Variants in LPAR3 observed in about 807,000 individuals in gnomAD.
LPAR3 encodes the protein LPA receptor 3.
A neutral mutation model predicts 17.8 loss-of-function variants in LPAR3; 7 were observed. The ratio of observed to expected loss-of-function variants is 0.39; its 90% confidence interval spans 0.22 to 0.74. LPAR3 has a LOEUF of 0.74. LPAR3 is among the 30% of genes least tolerant of loss of function. The pLI, the probability that LPAR3 is intolerant of heterozygous loss-of-function variation, is 0.40. For missense variants in LPAR3, 391 were observed against 453.4 expected, an observed-to-expected ratio of 0.86 and a Z score of 1.25; for synonymous variants, 179 against 179.9, an observed-to-expected ratio of 0.99 and a Z score of 0.04.
intron 1 of LPAR3, 121 bp from the exon 2 acceptor site, chr1:84,866,259 T>G: frequency 7.1e-6 from 5 of 705,352 alleles, no homozygotes; most frequent in Non-Finnish European, 1.2e-5. Context: ...ACCTGAAGTG[T>G]CAGGTCTCAG....
chr1:84,824,824 A>G (rs1659122807), intron 2 of LPAR3, among the ~76,000 whole-genome samples: 2 of 151,818 alleles, frequency 1.3e-5, no homozygotes, highest in Non-Finnish European at 2.9e-5. Context: ...AATTTCTCAC[A>G]CTCTGCCCTG....
At chr1:84,888,866 C>G (rs2102776070) in intron 1 of LPAR3, among the ~76,000 whole-genome samples, 1 of 152,252 alleles carries the variant, frequency 6.6e-6, no homozygotes, top group South Asian at 2.1e-4. Flanking sequence ...AATGTAGACA[C>G]AGGACTAGCT....
chr1:84,853,224 G>A (rs17378045), intron 2 of LPAR3, among the ~76,000 whole-genome samples: 19,008 of 152,182 alleles, frequency 0.12, 1,397 homozygotes, highest in Middle Eastern at 0.24. Flanking sequence ...AAGCTCATAG[G>A]AAAGCAAGAA....
chr1:84,879,591 G>A (rs550938587), intron 1 of LPAR3, among the ~76,000 whole-genome samples: 2 of 152,230 alleles, frequency 1.3e-5, no homozygotes, highest in Admixed American at 1.3e-4. Flanking sequence ...GATTATAAGC[G>A]TGAGCCACCA....
At chr1:84,885,220 G>A (rs35711882) in intron 1 of LPAR3, among the ~76,000 whole-genome samples, 15,700 of 152,158 alleles carry the variant, frequency 0.1, 1,063 homozygotes, top group East Asian at 0.25. Context: ...AGAAGTATCC[G>A]GTCCAAAATG....
chr1:84,883,670 G>C (rs1466028829), intron 1 of LPAR3, among the ~76,000 whole-genome samples: 1 of 151,840 alleles, frequency 6.6e-6, no homozygotes, highest in Non-Finnish European at 1.5e-5. Flanking sequence ...TAGAAATTGG[G>C]GACTGATTCA....
At chr1:84,857,317 G>A (rs992728769) in intron 2 of LPAR3, among the ~76,000 whole-genome samples, 2 of 152,096 alleles carry the variant, frequency 1.3e-5, no homozygotes, top group African/African-American at 4.8e-5. Flanking sequence ...TGCTTTATGT[G>A]TATTAACTCA....
In LPAR3 at chr1:84,866,135, C is replaced by T. The variant is rs756402423; in HGVS notation, c.-15G>A. The T allele has an allele frequency of 2.3e-6, 3 of 1,332,132 alleles. No homozygotes were observed. The highest frequency in any genetic ancestry group is 2.3e-5 in the Admixed American group (1 of 43,298). The allele number at this position is 1,332,132 out of a possible 1,614,324, so 82.5% of individuals were successfully genotyped here. On this transcript the variant is annotated 5_prime_UTR_variant, in exon 2 of 3. The change abolishes an upstream ATG in the 5' untranslated region. Transcript: ENST00000370611. Reference sequence around the variant, plus strand: ...CACTCATTCATTGTGGAGAAGTGAACATCCTAGAAAGAAATTTAAAGAAGA... The same window carrying T: ...CACTCATTCATTGTGGAGAAGTGAATATCCTAGAAAGAAATTTAAAGAAGA...
Position 84,880,864 on chromosome 1 carries a change from C to A in LPAR3, c.-19+12152G>T, listed in dbSNP as rs146238457. ...GGAAGGACTTCCCAGGGGACAAAGA[C>A]AAAGTCAAGGCTTCTGGGAGGCCCC... On this transcript the variant is annotated intron_variant, in intron 1 of 2. Transcript: ENST00000370611. Among the ~76,000 whole-genome samples, 98 of 152,310 alleles carry A rather than the reference C, an allele frequency of 6.4e-4. 1 individual carries two copies. In the East Asian group the frequency reaches 0.011, roughly 17 times the overall value.
At chr1:84,846,600 G>A (rs954371892) in intron 2 of LPAR3, among the ~76,000 whole-genome samples, 5 of 152,160 alleles carry the variant, frequency 3.3e-5, no homozygotes, top group African/African-American at 9.7e-5. Context: ...AATATTGGAA[G>A]CACAGTTTGC....
chr1:84,849,372 C>CAA (rs34239236), intron 2 of LPAR3, among the ~76,000 whole-genome samples: 3,198 of 76,726 alleles, frequency 0.042, 139 homozygotes, highest in Non-Finnish European at 0.054. Flanking sequence ...AGACTCATCT[C>CAA]AAAAAAAAAA....
chr1:84,886,698 T>C (rs1235295697), intron 1 of LPAR3, among the ~76,000 whole-genome samples: 1 of 152,152 alleles, frequency 6.6e-6, no homozygotes, highest in Non-Finnish European at 1.5e-5. Flanking sequence ...CATGAAAATA[T>C]CATGTTGTAT....
intron 2 of LPAR3, among the ~76,000 whole-genome samples, chr1:84,850,301 T>C (rs10873660): frequency 0.52 from 76,625 of 147,604 alleles, 19,544 homozygotes; most frequent in East Asian, 0.58. Flanking sequence ...CTCACGCCTG[T>C]ACCCCAGCAC....
chr1:84,852,552 A>C (rs558919267), intron 2 of LPAR3, among the ~76,000 whole-genome samples: 12 of 152,238 alleles, frequency 7.9e-5, no homozygotes, highest in South Asian at 2.1e-4. Flanking sequence ...CCTCCAGGAC[A>C]TCCAGGTGTG....
Position 84,846,744 on chromosome 1 carries a change from T to C in LPAR3, c.736+18641A>G, listed in dbSNP as rs189657028. ...GTTATTTGTGTCAGAGCAAATAAGA[T>C]CTCATTCAAATTCAAACTGGATAAT... On this transcript the variant is annotated intron_variant, in intron 2 of 2. Transcript: ENST00000370611. Among the ~76,000 whole-genome samples, 530 of 152,270 alleles carry C rather than the reference T, an allele frequency of 3.5e-3. 3 individuals are homozygous for C. Among genetic ancestry groups the C allele is most frequent in the South Asian group, 0.017 (81 of 4,826 alleles).
chr1:84,817,400 G>C (rs1249925842), intron 2 of LPAR3, among the ~76,000 whole-genome samples: 1 of 151,998 alleles, frequency 6.6e-6, no homozygotes, highest in Non-Finnish European at 1.5e-5. Context: ...GAGGTGCGTG[G>C]GGAGGACTTA....
intron 1 of LPAR3, among the ~76,000 whole-genome samples, chr1:84,874,747 G>C (rs1207401367): frequency 6.6e-6 from 1 of 152,094 alleles, no homozygotes; most frequent in East Asian, 1.9e-4. Flanking sequence ...TAAAAGGACA[G>C]AAAAAGTAAA....
intron 1 of LPAR3, among the ~76,000 whole-genome samples, chr1:84,890,318 G>T (rs1000434286): frequency 1.3e-5 from 2 of 152,164 alleles, no homozygotes; most frequent in African/African-American, 4.8e-5. Context: ...AGAAATCTTT[G>T]CACTTTTACC....
At position 84,832,112 on chromosome 1, in the gene LPAR3, G is replaced by T. The variant is rs1557592763; in HGVS notation, c.737-17941C>A. On this transcript the variant is annotated intron_variant, in intron 2 of 2. Transcript: ENST00000370611. ...TCTATCATTTTCTTCTGGAAAGCATGCAGCAAGCTCAAATACAAGGACCAC... is the reference window on the plus strand; with the variant it reads ...TCTATCATTTTCTTCTGGAAAGCATTCAGCAAGCTCAAATACAAGGACCAC... Among the ~76,000 whole-genome samples, 4 of 152,076 alleles carry T rather than the reference G, an allele frequency of 2.6e-5. No homozygotes were observed. The South Asian group carries it at 8.3e-4, about 32-fold the overall frequency.
Sources: gnomAD v4.1 joint callset for allele counts (sites outside exome capture counted in the v4.1 genomes callset) on GRCh38, gnomAD v4.1.1 for gene constraint, MANE v1.5 for transcripts, NCBI Gene and HGNC (gene_info 2026-07-23, HGNC 2026-07-21) for gene names.